The following OSMR variants were observed in gnomAD, a reference collection of about 807,000 sequenced individuals.
OSMR encodes the protein oncostatin-M-specific receptor subunit beta.
OSMR carries 81 observed loss-of-function variants against 99.9 expected under a neutral mutation model. That is an observed-to-expected ratio of 0.81 (90% CI 0.68 to 0.97). The LOEUF is 0.97. OSMR is among the 50% of genes least tolerant of loss of function. The probability of loss-of-function intolerance (pLI) is 0.00; values close to 1 mark genes in which losing one functional copy is unlikely to be tolerated. For missense variants in OSMR, 1,099 were observed against 1,153.4 expected, an observed-to-expected ratio of 0.95 and a Z score of 0.68; for synonymous variants, 406 against 410.4, an observed-to-expected ratio of 0.99 and a Z score of 0.13.
chr5:38,919,128 G>T, intron 11 of OSMR, 66 bp downstream of exon 11: 2 of 1,582,766 alleles, frequency 1.3e-6, no homozygotes, highest in Non-Finnish European at 1.7e-6. Flanking sequence ...TTATTAAGTA[G>T]TGATGGATAA....
Position 38,913,511 on chromosome 5 carries a change from C to T in OSMR, c.1286-4035C>T, listed in dbSNP as rs528517137. 1.4e-3 allele frequency among the ~76,000 whole-genome samples: 217 copies of T among 150,448 alleles called. 2 individuals carry two copies. Among genetic ancestry groups the T allele is most frequent in the South Asian group, 9.3e-3 (44 of 4,754 alleles). ...CTTGCAGTGAGCAGAGGTCGTGCCA[C>T]TGCACTCCAGCCTGGACGACAGAGT... On this transcript the variant is annotated intron_variant, in intron 9 of 17. Transcript: ENST00000274276.
At chr5:38,858,800 T>C (rs1448126473) in intron 1 of OSMR, among the ~76,000 whole-genome samples, 1 of 152,252 alleles carries the variant, frequency 6.6e-6, no homozygotes, top group African/African-American at 2.4e-5. Flanking sequence ...TACTAGCCAT[T>C]CTAACTGGGG....
At chr5:38,911,253 A>T (rs575392298) in intron 9 of OSMR, among the ~76,000 whole-genome samples, 1 of 152,344 alleles carries the variant, frequency 6.6e-6, no homozygotes, top group East Asian at 1.9e-4. Flanking sequence ...GGACATTACC[A>T]CTTGACCCCA....
intron 7 of OSMR, among the ~76,000 whole-genome samples, chr5:38,899,446 G>A (rs984965872): frequency 1.1e-4 from 16 of 152,238 alleles, no homozygotes; most frequent in African/African-American, 3.9e-4. Context: ...AGTACCTAAG[G>A]TGCAAGACAA....
chr5:38,945,188 C>T (rs542072444), downstream of OSMR: 185 of 744,398 alleles, frequency 2.5e-4, 1 homozygote, highest in Non-Finnish European at 3.3e-4. Context: ...TGCAATATAC[C>T]AAACACTTCC....
At chr5:38,912,836 A>T (rs1184498753) in intron 9 of OSMR, among the ~76,000 whole-genome samples, 1 of 152,126 alleles carries the variant, frequency 6.6e-6, no homozygotes, top group Non-Finnish European at 1.5e-5. Flanking sequence ...AAGGACTCCT[A>T]ATATAATAGA....
intron 2 of OSMR, among the ~76,000 whole-genome samples, chr5:38,872,193 T>G (rs564763914): frequency 6.6e-6 from 1 of 152,332 alleles, no homozygotes; most frequent in Admixed American, 6.5e-5. Context: ...TTTCCACTAT[T>G]TCCCAAGGAA....
At position 38,888,760 on chromosome 5, in the gene OSMR, AT is replaced by A. The variant is rs1429790616; in HGVS notation, c.991+2571del. On this transcript the variant is annotated intron_variant, in intron 7 of 17. Coordinates refer to ENST00000274276, the MANE Select transcript of OSMR (RefSeq NM_003999.3). ...GCATCTCGTAAGTCCACAAGTATATATGTTTAATGTTCACCATTAGAGCTTA... is the reference window on the plus strand; with the variant it reads ...GCATCTCGTAAGTCCACAAGTATATAGTTTAATGTTCACCATTAGAGCTTA... Among the ~76,000 whole-genome samples, 4 of 152,270 alleles carry A rather than the reference AT, an allele frequency of 2.6e-5. No individual in the cohort carries two copies. The South Asian group carries it at 8.3e-4, about 32-fold the overall frequency.
At chr5:38,873,765 G>T (rs922355591) in intron 2 of OSMR, among the ~76,000 whole-genome samples, 4 of 152,086 alleles carry the variant, frequency 2.6e-5, no homozygotes, top group Non-Finnish European at 5.9e-5. Context: ...TCATGTGCTT[G>T]TTAGCCATTT....
intron 1 of OSMR, among the ~76,000 whole-genome samples, chr5:38,854,178 C>T (rs1450549909): frequency 6.6e-6 from 1 of 152,192 alleles, no homozygotes; most frequent in Non-Finnish European, 1.5e-5. Context: ...GAAAGGGCTT[C>T]TTCCTTTAAA....
intron 6 of OSMR, 78 bp downstream of exon 6, chr5:38,885,562 C>A: frequency 6.4e-6 from 10 of 1,553,302 alleles, no homozygotes; most frequent in Non-Finnish European, 8.9e-6. Context: ...AAAATCTACA[C>A]TTAGATGTTG....
At chr5:38,863,591 G>C (rs1387525182) in intron 1 of OSMR, among the ~76,000 whole-genome samples, 1 of 152,142 alleles carries the variant, frequency 6.6e-6, no homozygotes, top group Non-Finnish European at 1.5e-5. Context: ...GGTCTATTTT[G>C]GAGACTATTC....
At chr5:38,863,133 C>G (rs1306566042) in intron 1 of OSMR, among the ~76,000 whole-genome samples, 10 of 140,448 alleles carry the variant, frequency 7.1e-5, no homozygotes, top group Non-Finnish European at 1.4e-4. Flanking sequence ...AGCTTCGGCT[C>G]GGCATCAGAG....
chr5:38,887,375 G>A (rs2112419564), intron 7 of OSMR, among the ~76,000 whole-genome samples: 1 of 152,162 alleles, frequency 6.6e-6, no homozygotes, highest in East Asian at 1.9e-4. Flanking sequence ...AATCCATCTG[G>A]GATTGATTTT....
chr5:38,876,472 A>G (rs1190537366), intron 3 of OSMR, 99 bp downstream of exon 3: 4 of 872,144 alleles, frequency 4.6e-6, no homozygotes, highest in Non-Finnish European at 7.5e-6. Context: ...TTTTGGAAAT[A>G]TATTAGCAGC....
At chr5:38,856,548 G>T in intron 1 of OSMR, among the ~76,000 whole-genome samples, 1 of 99,524 alleles carries the variant, frequency 1.0e-5, no homozygotes, top group East Asian at 2.2e-4. Flanking sequence ...GAAGAAAACA[G>T]GGAATCTGAG....
intron 15 of OSMR, among the ~76,000 whole-genome samples, chr5:38,927,859 T>C (rs1746541716): frequency 6.6e-6 from 1 of 152,224 alleles, no homozygotes; most frequent in Non-Finnish European, 1.5e-5. Context: ...CTAAACTTTT[T>C]TGCTCTGCTT....
chr5:38,903,686 C>T, intron 7 of OSMR, 196 bp from the exon 8 acceptor site: 1 of 656,832 alleles, frequency 1.5e-6, no homozygotes, highest in Non-Finnish European at 1.9e-6. Flanking sequence ...TTGTTCAATG[C>T]ATGCAGTAGA....
At position 38,883,932 on chromosome 5, in the gene OSMR, A is replaced by G; in HGVS notation, c.524A>G (p.Asn175Ser). ...TICYVSRNIQ[N>S]NVSCYLEGKQ... Reference sequence around the variant, plus strand: ...TGTTACGTTTCTAGGAACATTCAAAATAATGTATCCTGTTATTTGGAAGGG... The same window carrying G: ...TGTTACGTTTCTAGGAACATTCAAAGTAATGTATCCTGTTATTTGGAAGGG... The change falls in exon 5 of 18, where the codon AAT (asparagine) becomes AGT (serine). Residue 175 changes from asparagine (N) to serine (S), a missense_variant. Coordinates refer to ENST00000274276, the MANE Select transcript of OSMR (RefSeq NM_003999.3). 1 of 1,613,952 alleles carries G rather than the reference A, an allele frequency of 6.2e-7. No homozygotes were observed. The highest frequency in any genetic ancestry group is 8.5e-7 in the Non-Finnish European group (1 of 1,179,788).
Sources: gnomAD v4.1 joint callset for allele counts (sites outside exome capture counted in the v4.1 genomes callset) on GRCh38, gnomAD v4.1.1 for gene constraint, MANE v1.5 for transcripts, NCBI Gene and HGNC (gene_info 2026-07-23, HGNC 2026-07-21) for gene names.